Variants in LRCH1 observed in about 807,000 individuals in gnomAD.
LRCH1 encodes the protein leucine rich repeats and calponin homology domain containing 1.
In LRCH1, 23 loss-of-function variants were observed where a neutral mutation model predicts 94.9. The ratio of observed to expected loss-of-function variants is 0.24; its 90% CI spans 0.17 to 0.34. LRCH1 has a LOEUF of 0.34. LRCH1 is among the 10% of genes least tolerant of loss of function. The pLI is 1.00. For synonymous variants in LRCH1, 364 were observed against 354.9 expected, an observed-to-expected ratio of 1.03 and a Z score of -0.29; for missense variants, 790 against 945.9, an observed-to-expected ratio of 0.84 and a Z score of 2.16.
chr13:46,615,300 C>T (rs559311302), intron 1 of LRCH1, among the ~76,000 whole-genome samples: 2 of 152,268 alleles, frequency 1.3e-5, no homozygotes, highest in African/African-American at 2.4e-5. Context: ...GCAAGACACA[C>T]GGCGAAAGAG....
intron 1 of LRCH1, among the ~76,000 whole-genome samples, chr13:46,566,292 T>C (rs182966112): frequency 1.3e-5 from 2 of 152,302 alleles, no homozygotes; most frequent in Non-Finnish European, 2.9e-5. Flanking sequence ...GGAATAAATA[T>C]ATAGTAGATT....
chr13:46,573,718 G>A (rs993638215), intron 1 of LRCH1, among the ~76,000 whole-genome samples: 2 of 151,174 alleles, frequency 1.3e-5, no homozygotes, highest in African/African-American at 4.9e-5. Context: ...AGAGTAGAAT[G>A]ATGGTTACCA....
chr13:46,652,297 C>T (rs1459342477), intron 2 of LRCH1, among the ~76,000 whole-genome samples: 1 of 151,782 alleles, frequency 6.6e-6, no homozygotes, highest in Non-Finnish European at 1.5e-5. Context: ...AGGATGGTCT[C>T]GATCTCCTGA....
At chr13:46,605,654 T>C (rs1282185274) in intron 1 of LRCH1, among the ~76,000 whole-genome samples, 2 of 152,218 alleles carry the variant, frequency 1.3e-5, no homozygotes, top group Non-Finnish European at 2.9e-5. Flanking sequence ...TTGACTGGGA[T>C]TTCAGAATAT....
rs571353509 is a variant in LRCH1, at chr13:46,687,190, C to G, written c.823-662C>G. ...GCCAGGCTGCTCTCTAATTCCTGAC[C>G]CCCAGGGATCTGCCCGCCTTGGCCT... is the stretch of plus-strand genomic sequence containing the variant. On this transcript the variant is annotated intron_variant, in intron 5 of 19. Coordinates refer to ENST00000389797, the MANE Select transcript of LRCH1 (RefSeq NM_001164211.2). 1.5e-4 allele frequency among the ~76,000 whole-genome samples: 23 copies of G among 152,136 alleles called. 1 individual carries two copies. The Middle Eastern group carries it at 0.017, about 112-fold the overall frequency.
intron 9 of LRCH1, among the ~76,000 whole-genome samples, 154 bp downstream of exon 9, chr13:46,695,171 T>C (rs921434636): frequency 6.6e-6 from 1 of 152,226 alleles, no homozygotes; most frequent in Non-Finnish European, 1.5e-5. Context: ...TCAGCGTGTC[T>C]ATTTGCTGAT....
chr13:46,622,387 G>A (rs553130190), intron 1 of LRCH1, among the ~76,000 whole-genome samples: 3 of 152,246 alleles, frequency 2.0e-5, no homozygotes, highest in East Asian at 3.9e-4. Context: ...CAGCTTGGGT[G>A]GGTGTAATTT....
chr13:46,600,008 A>T (rs758677786), intron 1 of LRCH1, among the ~76,000 whole-genome samples: 6 of 152,224 alleles, frequency 3.9e-5, no homozygotes, highest in Admixed American at 1.3e-4. Context: ...AAAATAGCTT[A>T]CTTAAAAAAT....
intron 4 of LRCH1, among the ~76,000 whole-genome samples, chr13:46,685,217 C>T (rs1292691697): frequency 1.3e-5 from 2 of 152,128 alleles, no homozygotes; most frequent in Non-Finnish European, 2.9e-5. Context: ...GACTTTATTC[C>T]TAGCAGCTGC....
chr13:46,728,118 A>T (rs1362769922), intron 17 of LRCH1, among the ~76,000 whole-genome samples: 2 of 152,116 alleles, frequency 1.3e-5, no homozygotes, highest in Non-Finnish European at 2.9e-5. Context: ...GGGTTTCACC[A>T]TGCTGCCCAG....
intron 2 of LRCH1, among the ~76,000 whole-genome samples, chr13:46,663,328 CA>C (rs1429054909): frequency 8.2e-6 from 1 of 122,350 alleles, no homozygotes; most frequent in African/African-American, 2.7e-5. Context: ...CAACTGAAAG[CA>C]AAGCTTTTGT....
At chr13:46,554,663 G>A (rs558522878) in intron 1 of LRCH1, among the ~76,000 whole-genome samples, 1 of 152,314 alleles carries the variant, frequency 6.6e-6, no homozygotes, top group South Asian at 2.1e-4. Flanking sequence ...TTCCAGGAGC[G>A]GGATCTATAA....
chr13:46,716,292 C>T (rs1872316526), intron 16 of LRCH1, among the ~76,000 whole-genome samples: 1 of 152,130 alleles, frequency 6.6e-6, no homozygotes, highest in East Asian at 1.9e-4. Context: ...CGAGGACACT[C>T]AGCTAGAGTT....
Position 46,743,159 on chromosome 13 carries a change from G to C in LRCH1, c.*1311G>C. On this transcript the variant is annotated 3_prime_UTR_variant, in exon 20 of 20. Coordinates refer to ENST00000389797, the MANE Select transcript of LRCH1 (RefSeq NM_001164211.2). ...GAGATGATGGACTTAGCTTCCTCAA[G>C]ATAAATTTCTAGTTTATTAAGATGC... 2.0e-6 allele frequency: 2 copies of C among 985,554 alleles called. No homozygotes were observed. The highest frequency in any genetic ancestry group is 2.4e-6 in the Non-Finnish European group (2 of 829,892). 61.1% of individuals were successfully genotyped at this position (985,554 alleles called of 1,614,324 possible).
chr13:46,611,510 T>C (rs2050747419), intron 1 of LRCH1, among the ~76,000 whole-genome samples: 1 of 152,204 alleles, frequency 6.6e-6, no homozygotes, highest in Admixed American at 6.5e-5. Context: ...GTAAATTGTA[T>C]TTAGTTTTAA....
intron 11 of LRCH1, among the ~76,000 whole-genome samples, chr13:46,703,528 T>A (rs2138184820): frequency 6.6e-6 from 1 of 152,246 alleles, no homozygotes; most frequent in East Asian, 1.9e-4. Context: ...ATCTAAGAAC[T>A]TATCCTAAGA....
intron 15 of LRCH1, among the ~76,000 whole-genome samples, chr13:46,715,030 T>C (rs1872250044): frequency 6.6e-6 from 1 of 152,210 alleles, no homozygotes; most frequent in Non-Finnish European, 1.5e-5. Flanking sequence ...AAAAGAAATT[T>C]GACATTGCTT....
At chr13:46,611,109 A>G (rs1226677028) in intron 1 of LRCH1, among the ~76,000 whole-genome samples, 1 of 152,168 alleles carries the variant, frequency 6.6e-6, no homozygotes, top group East Asian at 1.9e-4. Flanking sequence ...AGGAAGCTTT[A>G]GGATAAGATT....
At chr13:46,751,774 AG>A (rs1874151492) in exon 19 of LRCH1, 1 of 152,242 alleles carries the variant, frequency 6.6e-6, no homozygotes, top group Admixed American at 6.5e-5. Flanking sequence ...TGAACCAAAA[AG>A]GGTTTGAAGG....
Sources: allele counts gnomAD v4.1 joint callset (sites outside exome capture counted in the v4.1 genomes callset), GRCh38; gene constraint gnomAD v4.1.1; transcripts MANE v1.5; gene names NCBI Gene and HGNC (gene_info 2026-07-23, HGNC 2026-07-21).